Variants in NAV3 observed in about 807,000 individuals in gnomAD.
NAV3 encodes neuron navigator 3, also known as pore membrane and/or filament interacting like protein 1.
A neutral mutation model predicts 244.7 loss-of-function variants in NAV3; 87 were observed. The observed-to-expected ratio is 0.36, with a 90% confidence interval of 0.30 to 0.42. The LOEUF (loss-of-function observed/expected upper bound fraction) is 0.42, where lower values mean the gene tolerates loss of function less well. Among genes scored for constraint, NAV3 ranks in the 20% least tolerant of loss-of-function variants. The probability of loss-of-function intolerance (pLI) is 1.00; values close to 1 mark genes in which losing one functional copy is unlikely to be tolerated. For missense variants in NAV3, 2,663 were observed against 2,893.3 expected (o/e 0.92, Z 1.83); for synonymous variants, 1,126 against 1,042.2 (o/e 1.08, Z -1.55).
chr12:77,846,537 T>C (rs1876664840), intron 1 of NAV3, among the ~76,000 whole-genome samples: 1 of 152,198 alleles, frequency 6.6e-6, no homozygotes, highest in African/African-American at 2.4e-5. Context: ...ACTGGGATGA[T>C]TGGTTACTCG....
chr12:77,977,704 A>G (rs1460931119), intron 5 of NAV3, among the ~76,000 whole-genome samples: 2 of 91,058 alleles, frequency 2.2e-5, no homozygotes, highest in African/African-American at 6.5e-5. Flanking sequence ...ACACACACAC[A>G]CACACGCGCA....
chr12:77,917,246 T>C, intron 1 of NAV3, among the ~76,000 whole-genome samples: 1 of 152,016 alleles, frequency 6.6e-6, no homozygotes. Flanking sequence ...TATAGTATTA[T>C]TATCTGTGAC....
chr12:77,897,659 T>C (rs1331361132), intron 1 of NAV3, among the ~76,000 whole-genome samples: 1 of 152,008 alleles, frequency 6.6e-6, no homozygotes, highest in African/African-American at 2.4e-5. Flanking sequence ...ACCTATAGTC[T>C]CTATTGGCCA....
At chr12:78,188,067 G>T (rs1336460131) in intron 31 of NAV3, among the ~76,000 whole-genome samples, 181 bp from the exon 32 acceptor site, 3 of 151,822 alleles carry the variant, frequency 2.0e-5, no homozygotes, top group African/African-American at 7.2e-5. Flanking sequence ...TGGTTGGTTA[G>T]TTGGCTGAAA....
At chr12:77,763,987 G>A (rs957062767) in intron 2 of NAV3, among the ~76,000 whole-genome samples, 8 of 152,138 alleles carry the variant, frequency 5.3e-5, no homozygotes, top group Non-Finnish European at 1.2e-4. Flanking sequence ...CCAGGAGAGG[G>A]GCCTCGTTTT....
chr12:78,123,615 G>A (rs917348471), intron 16 of NAV3, among the ~76,000 whole-genome samples: 11 of 152,082 alleles, frequency 7.2e-5, no homozygotes, highest in African/African-American at 2.2e-4. Flanking sequence ...AGGGACAGCC[G>A]TGCAAATGGG....
At chr12:77,608,110 A>T (rs191133973) in intron 2 of NAV3, among the ~76,000 whole-genome samples, 49 of 152,254 alleles carry the variant, frequency 3.2e-4, no homozygotes, top group African/African-American at 1.1e-3. Flanking sequence ...AAAGGTTTTC[A>T]CTGCTTTTCT....
chr12:77,670,778 G>A (rs1873933002), intron 2 of NAV3, among the ~76,000 whole-genome samples: 1 of 152,022 alleles, frequency 6.6e-6, no homozygotes, highest in South Asian at 2.1e-4. Flanking sequence ...GGCATAGAAG[G>A]GGCAAACCTT....
At chr12:77,617,681 T>C (rs79182846) in intron 2 of NAV3, among the ~76,000 whole-genome samples, 1,953 of 152,126 alleles carry the variant, frequency 0.013, 19 homozygotes, top group East Asian at 0.02. Context: ...AAGGGTATGG[T>C]GGAGAGTGAG....
chr12:77,842,269 T>A (rs1875798673), intron 1 of NAV3, among the ~76,000 whole-genome samples: 1 of 152,102 alleles, frequency 6.6e-6, no homozygotes, highest in Non-Finnish European at 1.5e-5. Flanking sequence ...TATAAAAAGC[T>A]CACTGTGGTC....
At chr12:77,676,247 G>GC (rs1874200235) in intron 2 of NAV3, among the ~76,000 whole-genome samples, 1 of 151,300 alleles carries the variant, frequency 6.6e-6, no homozygotes, top group Admixed American at 6.6e-5. Context: ...CCCTTCCCTT[G>GC]CCCCCCACCC....
At chr12:77,908,277 A>T (rs1259115204) in intron 1 of NAV3, among the ~76,000 whole-genome samples, 2 of 152,100 alleles carry the variant, frequency 1.3e-5, no homozygotes, top group Admixed American at 1.3e-4. Context: ...TATTGTAAAT[A>T]TAATATGAAG....
intron 5 of NAV3, among the ~76,000 whole-genome samples, chr12:77,977,455 T>C (rs1299225236): frequency 2.0e-5 from 3 of 150,650 alleles, no homozygotes; most frequent in Non-Finnish European, 4.4e-5. Flanking sequence ...CAATCACCTG[T>C]AGAGTATCTT....
At chr12:77,704,973 A>T (rs1040279733) in intron 2 of NAV3, among the ~76,000 whole-genome samples, 3 of 152,218 alleles carry the variant, frequency 2.0e-5, no homozygotes, top group Non-Finnish European at 2.9e-5. Flanking sequence ...ACTCTGTGTT[A>T]TAGGAAATAG....
chr12:78,036,764 G>A (rs1326595917), intron 9 of NAV3: 1 of 594,836 alleles, frequency 1.7e-6, no homozygotes, highest in African/African-American at 1.9e-5. Flanking sequence ...AGCTTTTATT[G>A]AAGTGCATGT....
intron 18 of NAV3, among the ~76,000 whole-genome samples, chr12:78,129,574 A>C (rs1264651101): frequency 6.6e-6 from 1 of 152,184 alleles, no homozygotes; most frequent in Non-Finnish European, 1.5e-5. Flanking sequence ...CTGAGTAACA[A>C]AATAATTAAA....
rs1254657390 is a variant in NAV3 at position 78,006,613 on chromosome 12, C to T, written c.1075C>T (p.Pro359Ser). ...AAAGCAGTCAAGTACAGCCACCTCC[C>T]CCACACCATCTTCAGACAGACTGAA... Reference protein sequence around the residue: ...TVKQSSTATSPTPSSDRLKPP... With the variant: ...TVKQSSTATSSTPSSDRLKPP... The change falls in exon 8 of 40, where the codon CCC becomes TCC. Residue 359 changes from proline to serine, a missense_variant. Transcript: ENST00000397909. 8 of 1,613,962 alleles carry T rather than the reference C, an allele frequency of 5.0e-6. No individual in the cohort carries two copies. Among genetic ancestry groups the T allele is most frequent in the Non-Finnish European group, 6.8e-6 (8 of 1,180,028 alleles).
At position 77,766,735 on chromosome 12, in the gene NAV3, G is replaced by GTTTTTTTTTTTTTTTTTTTT. The variant is rs748531378; in HGVS notation, c.73-173567_73-173548dup. ...AGGATTCTAAAAAACAGGCAATTAAGTTTTTTTTTTTTTTTTTTTTTTTTT... is the reference window on the plus strand; with the variant it reads ...AGGATTCTAAAAAACAGGCAATTAAGTTTTTTTTTTTTTTTTTTTTTTTTTTTTTTTTTTTTTTTTTTTTT... On this transcript the variant is annotated intron_variant, in intron 2 of 8. Transcript: ENST00000550042. Among the ~76,000 whole-genome samples the GTTTTTTTTTTTTTTTTTTTT allele has an allele frequency of 8.3e-5, 5 of 60,512 alleles. 1 individual carries two copies. The highest frequency in any genetic ancestry group is 1.3e-4 in the African/African-American group (2 of 15,832). 39.7% of individuals were successfully genotyped at this position (60,512 alleles called of 152,430 possible). A position where few individuals can be genotyped will look rare whatever the true frequency, so the allele number is the denominator to read the frequency against.
At chr12:77,688,091 A>C (rs1028435231) in intron 2 of NAV3, among the ~76,000 whole-genome samples, 2 of 152,106 alleles carry the variant, frequency 1.3e-5, no homozygotes, top group African/African-American at 2.4e-5. Context: ...GTACAAGCTC[A>C]ATTTTAACAC....
Sources: allele counts gnomAD v4.1 joint callset (sites outside exome capture counted in the v4.1 genomes callset), GRCh38; gene constraint gnomAD v4.1.1; transcripts MANE v1.5; gene names NCBI Gene and HGNC (gene_info 2026-07-23, HGNC 2026-07-21).